Variants in PTPRD observed in about 807,000 individuals in gnomAD.
PTPRD encodes the protein receptor-type tyrosine-protein phosphatase delta.
A neutral mutation model predicts 214.5 loss-of-function variants in PTPRD; 34 were observed. That is an observed-to-expected ratio of 0.16 (90% CI 0.12 to 0.21). The LOEUF is 0.21. PTPRD is among the 10% of genes least tolerant of loss of function. The pLI, the probability that PTPRD is intolerant of heterozygous loss-of-function variation, is 1.00. For missense variants in PTPRD, 2,545 were observed against 2,398.7 expected (o/e 1.06, Z -1.27); for synonymous variants, 1,128 against 845.7 (o/e 1.33, Z -5.79).
At chr9:10,251,054 G>C (rs2092714449) in intron 3 of PTPRD, among the ~76,000 whole-genome samples, 1 of 152,058 alleles carries the variant, frequency 6.6e-6, no homozygotes, top group Non-Finnish European at 1.5e-5. Context: ...GGGCTACATA[G>C]GGGTCTTTGA....
At chr9:9,274,618 T>G (rs1944252559) in intron 9 of PTPRD, among the ~76,000 whole-genome samples, 1 of 151,204 alleles carries the variant, frequency 6.6e-6, no homozygotes, top group African/African-American at 2.4e-5. Flanking sequence ...CAACTTTTCT[T>G]TTTCCACCCT....
At chr9:8,820,613 A>G (rs1566346164) in intron 11 of PTPRD, among the ~76,000 whole-genome samples, 1 of 152,138 alleles carries the variant, frequency 6.6e-6, no homozygotes, top group Non-Finnish European at 1.5e-5. Context: ...CTCTTGTTAA[A>G]CCATCATTTT....
At chr9:10,238,386 T>A (rs1363188059) in intron 3 of PTPRD, among the ~76,000 whole-genome samples, 12 of 151,876 alleles carry the variant, frequency 7.9e-5, no homozygotes. Flanking sequence ...ACTTTACTAG[T>A]GCTACTGAAT....
intron 10 of PTPRD, among the ~76,000 whole-genome samples, chr9:9,109,839 T>A (rs1484951226): frequency 6.6e-6 from 1 of 152,120 alleles, no homozygotes; most frequent in Non-Finnish European, 1.5e-5. Flanking sequence ...TTGGAGAGTC[T>A]GGGGATGTGC....
intron 3 of PTPRD, among the ~76,000 whole-genome samples, chr9:10,220,808 C>T (rs1364283689): frequency 6.6e-6 from 1 of 151,474 alleles, no homozygotes; most frequent in Non-Finnish European, 1.5e-5. Context: ...TTTCCTTTTG[C>T]TAAACTTATA....
chr9:9,833,185 C>T (rs963185566), intron 5 of PTPRD, among the ~76,000 whole-genome samples: 2 of 151,870 alleles, frequency 1.3e-5, no homozygotes, highest in African/African-American at 2.4e-5. Context: ...GGACCTGCCC[C>T]GATAATCACA....
At chr9:8,752,120 G>A (rs751873221) in intron 11 of PTPRD, among the ~76,000 whole-genome samples, 1 of 152,138 alleles carries the variant, frequency 6.6e-6, no homozygotes, top group Non-Finnish European at 1.5e-5. Flanking sequence ...CTTGAAAAGG[G>A]GCTGGGTAAA....
intron 11 of PTPRD, among the ~76,000 whole-genome samples, chr9:9,002,319 C>T (rs1219054462): frequency 6.6e-6 from 1 of 151,720 alleles, no homozygotes; most frequent in African/African-American, 2.4e-5. Flanking sequence ...ATGCAACGTA[C>T]AAATTAACAT....
intron 26 of PTPRD, among the ~76,000 whole-genome samples, chr9:8,496,023 ACC>A (rs2097258390): frequency 6.6e-6 from 1 of 152,038 alleles, no homozygotes; most frequent in African/African-American, 2.4e-5. Context: ...AGCTCTATTT[ACC>A]ACTGAGTTAC....
intron 3 of PTPRD, among the ~76,000 whole-genome samples, chr9:10,280,236 G>T (rs993838774): frequency 6.6e-6 from 1 of 152,062 alleles, no homozygotes; most frequent in Admixed American, 6.5e-5. Context: ...ACAATAAAGA[G>T]TAATGTAGTT....
At chr9:10,011,026 A>T (rs1399552687) in intron 4 of PTPRD, among the ~76,000 whole-genome samples, 1 of 151,976 alleles carries the variant, frequency 6.6e-6, no homozygotes, top group Non-Finnish European at 1.5e-5. Flanking sequence ...AAATCCTACA[A>T]AGTTGTTCAT....
chr9:8,739,387 G>C (rs944712037), intron 11 of PTPRD, among the ~76,000 whole-genome samples: 21 of 152,160 alleles, frequency 1.4e-4, no homozygotes, highest in African/African-American at 4.8e-4. Flanking sequence ...CTTCAGGATA[G>C]AAATGTTTTT....
chr9:10,095,933 C>T (rs967973656), intron 3 of PTPRD, among the ~76,000 whole-genome samples: 2 of 151,542 alleles, frequency 1.3e-5, no homozygotes, highest in Admixed American at 6.6e-5. Context: ...CCATTATATC[C>T]AATCTCTCAT....
At chr9:9,913,226 G>C (rs898091155) in intron 5 of PTPRD, among the ~76,000 whole-genome samples, 4 of 152,142 alleles carry the variant, frequency 2.6e-5, no homozygotes, top group African/African-American at 9.7e-5. Context: ...AATGTGGTTA[G>C]CTACAGAGCA....
chr9:10,334,390 G>T (rs923989581), intron 3 of PTPRD, among the ~76,000 whole-genome samples: 2 of 151,420 alleles, frequency 1.3e-5, no homozygotes, highest in African/African-American at 4.8e-5. Context: ...GGAATAGAAG[G>T]GAGCTTCCTC....
At chr9:9,398,316 A>T (rs1158853700) in intron 8 of PTPRD, among the ~76,000 whole-genome samples, 1 of 151,848 alleles carries the variant, frequency 6.6e-6, no homozygotes, top group Admixed American at 6.6e-5. Context: ...ATCAGATTCT[A>T]TTTTGTGTGT....
intron 44 of PTPRD, among the ~76,000 whole-genome samples, chr9:8,327,822 G>T (rs921434775): frequency 5.3e-5 from 8 of 152,148 alleles, no homozygotes; most frequent in Non-Finnish European, 2.9e-5. Context: ...TTTTATCAGA[G>T]ACTAGGATTG....
chr9:8,436,640 A>C lies in PTPRD; in HGVS notation c.4038T>G (p.Ile1346Met), dbSNP rs748957002. ...PIPILELADHIERLKANDNLK... is the reference protein window; with the variant it reads ...PIPILELADHMERLKANDNLK... Reference sequence around the variant, plus strand: ...AGTTGTCATTTGCTTTCAATCTTTCAATGTGGTCTGCAAGTTCCAAGATGG... The same window carrying C: ...AGTTGTCATTTGCTTTCAATCTTTCCATGTGGTCTGCAAGTTCCAAGATGG... The change falls in exon 35 of 46, where the codon ATT becomes ATG. Residue 1346 changes from isoleucine (I) to methionine (M), a missense_variant. Coordinates refer to ENST00000381196, the MANE Select transcript of PTPRD (RefSeq NM_002839.4). 1 of 1,613,508 alleles carries C rather than the reference A, an allele frequency of 6.2e-7. No homozygotes were observed. Among genetic ancestry groups the C allele is most frequent in the Non-Finnish European group, 8.5e-7 (1 of 1,179,760 alleles).
chr9:10,361,030 A>G (rs1174368152), intron 2 of PTPRD, among the ~76,000 whole-genome samples: 1 of 152,138 alleles, frequency 6.6e-6, no homozygotes, highest in Non-Finnish European at 1.5e-5. Context: ...TGAACACGGG[A>G]GGCGGAGCTT....
Sources: allele counts gnomAD v4.1 joint callset (sites outside exome capture counted in the v4.1 genomes callset), GRCh38; gene constraint gnomAD v4.1.1; transcripts MANE v1.5; gene names NCBI Gene and HGNC (gene_info 2026-07-23, HGNC 2026-07-21).